SRGAP2: variants seen among roughly 807,000 people sequenced by gnomAD.
SRGAP2 encodes the protein SLIT-ROBO Rho GTPase-activating protein 2.
A neutral mutation model predicts 57.2 loss-of-function variants in SRGAP2; 15 were observed. The observed-to-expected ratio is 0.26, with a 90% CI of 0.18 to 0.40. The LOEUF (loss-of-function observed/expected upper bound fraction) is 0.40. SRGAP2 is among the 10% of genes least tolerant of loss of function. SRGAP2 has a pLI of 1.00. For missense variants in SRGAP2, 520 were observed against 669.6 expected, an observed-to-expected ratio of 0.78 and a Z score of 2.47; for synonymous variants, 249 against 248.0, an observed-to-expected ratio of 1.00 and a Z score of -0.04.
At chr1:206,307,835 C>G (rs1672346552) in intron 3 of SRGAP2, among the ~76,000 whole-genome samples, 1 of 152,016 alleles carries the variant, frequency 6.6e-6, no homozygotes, top group African/African-American at 2.4e-5. Flanking sequence ...CGTGCCTCTC[C>G]CTCCACACCT....
At chr1:206,239,067 ATGGTCTTTTGTCC>A (rs1668050859) in intron 2 of SRGAP2, among the ~76,000 whole-genome samples, 2 of 151,862 alleles carry the variant, frequency 1.3e-5, no homozygotes, top group Non-Finnish European at 2.9e-5. Context: ...AGAGAAGGCT[ATGGTCTTTTGTCC>A]TTCCACACTT....
At chr1:206,322,553 C>G (rs1396038664) in intron 3 of SRGAP2, among the ~76,000 whole-genome samples, 1 of 140,560 alleles carries the variant, frequency 7.1e-6, no homozygotes, top group African/African-American at 2.8e-5. Context: ...GCACTCCAGC[C>G]TGGGTGACAG....
At chr1:206,347,451 C>A (rs1233172587) in intron 4 of SRGAP2, among the ~76,000 whole-genome samples, 11 of 146,760 alleles carry the variant, frequency 7.5e-5, no homozygotes, top group Non-Finnish European at 1.4e-4. Flanking sequence ...ATGGCCAGTG[C>A]CTGTAATCCC....
chr1:206,244,670 T>C (rs1299951188), intron 2 of SRGAP2, among the ~76,000 whole-genome samples: 1 of 152,024 alleles, frequency 6.6e-6, no homozygotes, highest in African/African-American at 2.4e-5. Flanking sequence ...GGATCGGGTC[T>C]GTATATAAAC....
intron 3 of SRGAP2, among the ~76,000 whole-genome samples, chr1:206,341,404 T>A (rs1160852215): frequency 6.6e-6 from 1 of 152,144 alleles, no homozygotes; most frequent in Admixed American, 6.5e-5. Flanking sequence ...GAATTGCCAC[T>A]TTTTAGCTAT....
chr1:206,461,607 T>TTA lies in SRGAP2; in HGVS notation c.*187_*188insTA. 1.7e-6 allele frequency: 1 copy of TTA among 582,414 alleles called. No homozygotes were observed. Among genetic ancestry groups the TTA allele is most frequent in the Non-Finnish European group, 3.1e-6 (1 of 327,762 alleles). 36.1% of individuals were successfully genotyped at this position (582,414 alleles called of 1,614,324 possible). A position where few individuals can be genotyped will look rare whatever the true frequency, so the allele number is the denominator to read the frequency against. ...CTTGGTATCGCCTCTCCCTTCCCAC[T>TTA]GCCCTCTGCTTCCCCCAGTCGTCGT... On this transcript the variant is annotated 3_prime_UTR_variant, in exon 23 of 23. Transcript: ENST00000573034.
chr1:206,437,344 G>T (rs1661857792), intron 15 of SRGAP2, among the ~76,000 whole-genome samples: 2 of 152,198 alleles, frequency 1.3e-5, no homozygotes, highest in South Asian at 4.1e-4. Context: ...CGGAACCCTT[G>T]GTAGCAGTTA....
intron 17 of SRGAP2, among the ~76,000 whole-genome samples, chr1:206,445,395 C>T (rs1448399281): frequency 3.9e-5 from 6 of 152,094 alleles, no homozygotes; most frequent in Admixed American, 3.9e-4. Context: ...AGAGGAAGCC[C>T]GAGCAGAAGC....
At chr1:206,278,327 T>G (rs1278221042) in intron 2 of SRGAP2, among the ~76,000 whole-genome samples, 8 of 150,512 alleles carry the variant, frequency 5.3e-5, no homozygotes, top group East Asian at 1.9e-4. Context: ...TTAAAATTTT[T>G]TCTTCTTTCT....
At chr1:206,253,574 T>TA (rs1668979033) in intron 2 of SRGAP2, among the ~76,000 whole-genome samples, 1 of 39,964 alleles carries the variant, frequency 2.5e-5, no homozygotes, top group South Asian at 1.3e-3. Context: ...TCTTTCTTTC[T>TA]TTTTTTTTTT....
chr1:206,312,796 A>G (rs1553324631), intron 3 of SRGAP2, among the ~76,000 whole-genome samples: 1 of 152,090 alleles, frequency 6.6e-6, no homozygotes, highest in Non-Finnish European at 1.5e-5. Context: ...ATGCGAGGGT[A>G]GGAAGCCTTT....
At chr1:206,440,158 A>G (rs370006332) in intron 17 of SRGAP2, 77 bp downstream of exon 17, 6 of 732,746 alleles carry the variant, frequency 8.2e-6, no homozygotes, top group African/African-American at 3.4e-5. Context: ...ACCTATGCCT[A>G]TTCATCCATC....
intron 2 of SRGAP2, among the ~76,000 whole-genome samples, chr1:206,210,870 G>C (rs1342101122): frequency 2.1e-4 from 32 of 151,622 alleles, no homozygotes; most frequent in African/African-American, 7.8e-4. Flanking sequence ...ATGATTGAGG[G>C]CTCCTGTCCC....
intron 3 of SRGAP2, among the ~76,000 whole-genome samples, chr1:206,322,759 A>G (rs1673565742): frequency 6.9e-6 from 1 of 143,986 alleles, no homozygotes; most frequent in Non-Finnish European, 1.5e-5. Flanking sequence ...TGTCGCCATA[A>G]CAGAATACCT....
chr1:206,214,628 AC>A (rs1666530156), intron 2 of SRGAP2: 1 of 151,494 alleles, frequency 6.6e-6, no homozygotes, highest in Admixed American at 6.6e-5. Context: ...CGCTGTCTCT[AC>A]TTACAATGTA....
chr1:206,359,194 A>T (rs1553340111), intron 4 of SRGAP2, among the ~76,000 whole-genome samples: 1 of 125,426 alleles, frequency 8.0e-6, no homozygotes, highest in Non-Finnish European at 1.7e-5. Context: ...TCATGAGGAC[A>T]GTCTGACAGC....
chr1:206,415,163 C>T (rs973413245), intron 10 of SRGAP2, among the ~76,000 whole-genome samples: 1 of 152,198 alleles, frequency 6.6e-6, no homozygotes, highest in Non-Finnish European at 1.5e-5. Context: ...TGGGGACATA[C>T]GGTCTCTCAC....
chr1:206,451,231 T>C (rs568251996), intron 19 of SRGAP2, among the ~76,000 whole-genome samples: 1 of 150,714 alleles, frequency 6.6e-6, no homozygotes, highest in Non-Finnish European at 1.5e-5. Flanking sequence ...AGAAACCACA[T>C]GCTTTCACGC....
intron 5 of SRGAP2, among the ~76,000 whole-genome samples, chr1:206,389,237 T>C (rs1391273584): frequency 7.6e-6 from 1 of 131,408 alleles, no homozygotes; most frequent in Admixed American, 8.7e-5. Context: ...TGCAGTGGCG[T>C]GATCTCGGCT....
Sources: gnomAD v4.1 joint callset for allele counts (sites outside exome capture counted in the v4.1 genomes callset) on GRCh38, gnomAD v4.1.1 for gene constraint, MANE v1.5 for transcripts, NCBI Gene and HGNC (gene_info 2026-07-23, HGNC 2026-07-21) for gene names.